The following AK9 variants were observed in gnomAD, a reference collection of about 807,000 sequenced individuals.
AK9 encodes adenylate kinase domain containing 1.
Under a neutral mutation model 239.6 loss-of-function variants are expected in AK9, and 191 were observed. The observed-to-expected ratio is 0.80, with a 90% CI of 0.71 to 0.90. The LOEUF is 0.90. AK9 is among the 40% of genes least tolerant of loss of function. AK9 has a pLI of 0.00. For synonymous variants in AK9, 689 were observed against 721.0 expected (o/e 0.96, Z 0.71); for missense variants, 1,995 against 2,214.7 (o/e 0.90, Z 1.99).
At chr6:109,654,709 C>CT (rs1788097509) in intron 8 of AK9, among the ~76,000 whole-genome samples, 1 of 152,214 alleles carries the variant, frequency 6.6e-6, no homozygotes, top group African/African-American at 2.4e-5. Context: ...TATCAACACT[C>CT]TTAAGGAAAT....
chr6:109,626,983 T>C (rs1795596479), intron 12 of AK9, among the ~76,000 whole-genome samples: 1 of 152,160 alleles, frequency 6.6e-6, no homozygotes, highest in African/African-American at 2.4e-5. Flanking sequence ...TGTCTTATTA[T>C]AGCTTTTTTA....
chr6:109,539,829 C>T (rs1191945837), intron 27 of AK9, among the ~76,000 whole-genome samples: 1 of 152,148 alleles, frequency 6.6e-6, no homozygotes, highest in Non-Finnish European at 1.5e-5. Flanking sequence ...ACAGTTAGGA[C>T]CCTCAGCTGT....
At chr6:109,591,552 C>T (rs1481748077) in intron 17 of AK9, among the ~76,000 whole-genome samples, 2 of 152,080 alleles carry the variant, frequency 1.3e-5, no homozygotes, top group East Asian at 3.9e-4. Context: ...TTGATAGCCT[C>T]GTCATGTTAA....
chr6:109,665,792 A>G (rs1801104239), intron 5 of AK9, among the ~76,000 whole-genome samples: 1 of 152,158 alleles, frequency 6.6e-6, no homozygotes, highest in Non-Finnish European at 1.5e-5. Context: ...AAGCAACAGT[A>G]TCTCCCTGCC....
At chr6:109,498,351 G>T (rs556135787) in intron 36 of AK9, among the ~76,000 whole-genome samples, 3 of 152,314 alleles carry the variant, frequency 2.0e-5, no homozygotes, top group Non-Finnish European at 2.9e-5. Flanking sequence ...AAAATGGAGG[G>T]GGTGGGCCAG....
At chr6:109,679,390 C>T (rs1380689596) in intron 1 of AK9, among the ~76,000 whole-genome samples, 1 of 152,172 alleles carries the variant, frequency 6.6e-6, no homozygotes, top group East Asian at 1.9e-4. Context: ...TGTAGCCAGA[C>T]TGCCTCTCTA....
At chr6:109,596,541 C>T (rs191848804) in intron 17 of AK9, among the ~76,000 whole-genome samples, 93 of 152,304 alleles carry the variant, frequency 6.1e-4, no homozygotes, top group Non-Finnish European at 1.0e-3. Context: ...GATGCTGCTG[C>T]ACCAAGATGT....
rs57215335 is a variant in AK9, at chr6:109,682,426, C to CAAAAAAAAAAAAA, written c.-11-6683_-11-6671dup. On this transcript the variant is annotated intron_variant, in intron 1 of 40. Coordinates refer to ENST00000424296, the MANE Select transcript of AK9 (RefSeq NM_001145128.3). Reference sequence around the variant, plus strand: ...TGGGTGACAGAGCAAGACTCCGTCTCAAAAAAAAAAAAAAAAAATCAATGA... The same window carrying CAAAAAAAAAAAAA: ...TGGGTGACAGAGCAAGACTCCGTCTCAAAAAAAAAAAAAAAAAAAAAAAAAAAAAAATCAATGA... Among the ~76,000 whole-genome samples the CAAAAAAAAAAAAA allele has an allele frequency of 1.6e-3, 109 of 68,316 alleles. 1 individual carries two copies. The highest frequency in any genetic ancestry group is 2.2e-3 in the Non-Finnish European group (77 of 35,470). The allele number at this position is 68,316 out of a possible 152,430, so 44.8% of individuals were successfully genotyped here. A position where few individuals can be genotyped will look rare whatever the true frequency, so the allele number is the denominator to read the frequency against.
At chr6:109,501,079 G>A (rs1179006378) in intron 35 of AK9, among the ~76,000 whole-genome samples, 1 of 152,084 alleles carries the variant, frequency 6.6e-6, no homozygotes, top group Non-Finnish European at 1.5e-5. Flanking sequence ...CCCTGTAATC[G>A]ATAAGATGAA....
intron 18 of AK9, among the ~76,000 whole-genome samples, chr6:109,585,464 G>C (rs1184268594): frequency 6.6e-6 from 1 of 151,966 alleles, no homozygotes; most frequent in Non-Finnish European, 1.5e-5. Context: ...CATGAAAAGA[G>C]GTAGTATATT....
At position 109,659,317 on chromosome 6, in the gene AK9, T is replaced by C; in HGVS notation, c.541A>G (p.Ile181Val). ...YSRDQWDPEV[I>V]ENHRKKKKEA... ...TTCTTCTTTTTCCTATGATTCTCAA[T>C]GACTTCAGGATCCCACTGGTCTCTA... The change falls in exon 7 of 41, where the codon ATT becomes GTT. Residue 181 changes from isoleucine to valine, a missense_variant. Physicochemically the swap from Ile to Val is conservative, Grantham distance 29. This residue lies in a region of AK9 where 252 missense variants were observed against 246.4 expected (regional missense o/e 1.02). Coordinates refer to ENST00000424296, the MANE Select transcript of AK9 (RefSeq NM_001145128.3). 6.2e-7 allele frequency: 1 copy of C among 1,608,218 alleles called. No individual in the cohort carries two copies. The highest frequency in any genetic ancestry group is 1.3e-5 in the African/African-American group (1 of 74,598).
Position 109,545,900 on chromosome 6 carries a change from A to C in AK9, c.3192T>G (p.Asn1064Lys). 6.2e-7 allele frequency: 1 copy of C among 1,604,490 alleles called. No individual in the cohort carries two copies. The highest frequency in any genetic ancestry group is 8.5e-7 in the Non-Finnish European group (1 of 1,177,854). The change falls in exon 26 of 41, where the codon AAT (asparagine) becomes AAG (lysine). Residue 1064 changes from asparagine to lysine, a missense_variant. Physicochemically the swap from Asn to Lys is moderately conservative, Grantham distance 94. Coordinates refer to ENST00000424296, the MANE Select transcript of AK9 (RefSeq NM_001145128.3). ...TTGTATTTTCTTCCTCAACTTTGAC[A>C]TTGGCCTGAATTGCAAGCTCTTCAA... ...QELEELAIQANVKVEEENTKK... is the reference protein window; with the variant it reads ...QELEELAIQAKVKVEEENTKK...
intron 24 of AK9, among the ~76,000 whole-genome samples, chr6:109,551,505 G>A (rs1784352820): frequency 3.1e-5 from 4 of 130,622 alleles, no homozygotes; most frequent in South Asian, 5.8e-4. Flanking sequence ...GTGACAGAGT[G>A]AGACTCCATC....
At chr6:109,603,942 G>A (rs1053043583) in intron 17 of AK9, among the ~76,000 whole-genome samples, 3 of 152,232 alleles carry the variant, frequency 2.0e-5, no homozygotes, top group African/African-American at 7.2e-5. Flanking sequence ...TAGGGTTGGA[G>A]TGACCCGATT....
At chr6:109,669,784 C>T (rs9480991) in intron 5 of AK9, among the ~76,000 whole-genome samples, 3 of 152,022 alleles carry the variant, frequency 2.0e-5, no homozygotes, top group South Asian at 2.1e-4. Flanking sequence ...TGTATTTAGC[C>T]GAGTGCTAGG....
Position 109,641,553 on chromosome 6 carries a change from C to G in AK9, c.898G>C (p.Gly300Arg). 6.2e-7 allele frequency: 1 copy of G among 1,613,418 alleles called. No individual in the cohort carries two copies. The highest frequency in any genetic ancestry group is 8.5e-7 in the Non-Finnish European group (1 of 1,179,604). ...KRAAILTKLQ[G>R]AEEEINDTME... The stretch of plus-strand genomic sequence containing the variant: ...GTGTCATTAATTTCTTCCTCTGCAC[C>G]CTGAAGTTTGGTTAGAATAGCTGCT... Residue 300 changes from glycine to arginine, a missense_variant, in exon 10 of 41, where the codon GGT becomes CGT. This residue lies in a region of AK9 where 1,290 missense variants were observed against 1,392.7 expected (regional missense o/e 0.93). Transcript: ENST00000424296.
intron 1 of AK9, among the ~76,000 whole-genome samples, chr6:109,682,107 T>G (rs994000138): frequency 6.6e-6 from 1 of 151,902 alleles, no homozygotes; most frequent in African/African-American, 2.4e-5. Flanking sequence ...CTGAAAGAGA[T>G]AGAGACACGA....
intron 29 of AK9, among the ~76,000 whole-genome samples, chr6:109,520,117 G>T (rs1314763233): frequency 6.6e-6 from 1 of 151,940 alleles, no homozygotes; most frequent in East Asian, 1.9e-4. Context: ...GTCCTTGTGG[G>T]AGCTAAGCTC....
chr6:109,599,941 T>C (rs867741440), intron 17 of AK9, among the ~76,000 whole-genome samples: 3 of 152,244 alleles, frequency 2.0e-5, no homozygotes, highest in Middle Eastern at 3.2e-3. Context: ...ACTGGAGACT[T>C]TGCTGAAGTT....
Sources: gnomAD v4.1 joint callset for allele counts (sites outside exome capture counted in the v4.1 genomes callset) on GRCh38, gnomAD v4.1.1 for gene constraint, gnomAD v4.1.1 regional missense constraint, MANE v1.5 for transcripts, NCBI Gene and HGNC (gene_info 2026-07-23, HGNC 2026-07-21) for gene names.